Variants in ANKRD11 observed in about 807,000 individuals in gnomAD.
The protein encoded by ANKRD11 is ankyrin repeat domain 11.
In ANKRD11, 17 loss-of-function variants were observed where a neutral mutation model predicts 195.7. The observed-to-expected ratio is 0.09, with a 90% CI of 0.06 to 0.13. ANKRD11 has a LOEUF of 0.13. Ranked by LOEUF, ANKRD11 falls within the 10% of genes least tolerant of loss-of-function variation. The pLI is 1.00. For missense variants in ANKRD11, 3,735 were observed against 3,566.1 expected (o/e 1.05, Z -1.21); for synonymous variants, 1,953 against 1,528.1 (o/e 1.28, Z -6.49).
At chr16:89,423,386 C>G (rs758631205) in intron 1 of ANKRD11, among the ~76,000 whole-genome samples, 34 of 152,256 alleles carry the variant, frequency 2.2e-4, no homozygotes, top group Non-Finnish European at 4.6e-4. Flanking sequence ...GTCTCAGGGC[C>G]AGGTCTGTCT....
chr16:89,353,351 AGAG>A (rs2039312298), intron 2 of ANKRD11, among the ~76,000 whole-genome samples: 1 of 138,458 alleles, frequency 7.2e-6, no homozygotes. Flanking sequence ...CCAAAAAAAA[AGAG>A]AGAGAGAGAG....
chr16:89,442,601 C>T (rs1441119791), intron 1 of ANKRD11, among the ~76,000 whole-genome samples: 5 of 152,292 alleles, frequency 3.3e-5, no homozygotes, highest in African/African-American at 4.8e-5. Context: ...AACGGTTTTA[C>T]GCATCAAAGA....
At chr16:89,328,305 T>C (rs1057096292) in intron 2 of ANKRD11, among the ~76,000 whole-genome samples, 6 of 152,216 alleles carry the variant, frequency 3.9e-5, no homozygotes, top group Admixed American at 6.5e-5. Context: ...CGAACCTAAG[T>C]GTGCGCTTGC....
chr16:89,431,086 T>C (rs1315349392), intron 1 of ANKRD11, among the ~76,000 whole-genome samples: 1 of 152,128 alleles, frequency 6.6e-6, no homozygotes, highest in African/African-American at 2.4e-5. Context: ...CTTCCTCCTG[T>C]TTGCATTCAG....
chr16:89,431,780 A>G (rs2042988886), intron 1 of ANKRD11, among the ~76,000 whole-genome samples: 1 of 152,128 alleles, frequency 6.6e-6, no homozygotes, highest in African/African-American at 2.4e-5. Context: ...ATGTCCAACT[A>G]GAGACACTGT....
At chr16:89,488,864 A>G (rs531432481) in intron 1 of ANKRD11, among the ~76,000 whole-genome samples, 5 of 152,312 alleles carry the variant, frequency 3.3e-5, no homozygotes, top group African/African-American at 1.2e-4. Flanking sequence ...TTTCTCTACC[A>G]TAAAACCCTG....
At chr16:89,465,769 G>A (rs926822926) in intron 1 of ANKRD11, among the ~76,000 whole-genome samples, 1 of 152,132 alleles carries the variant, frequency 6.6e-6, no homozygotes, top group Admixed American at 6.5e-5. Context: ...GGAGTGCAGT[G>A]ACACGATCTC....
chr16:89,435,796 TCACA>T (rs58503159), intron 1 of ANKRD11, among the ~76,000 whole-genome samples: 2,997 of 143,086 alleles, frequency 0.021, 78 homozygotes, highest in African/African-American at 0.06. Flanking sequence ...CACCAGCTCT[TCACA>T]CACACACACA....
chr16:89,477,407 G>A (rs565816428), intron 1 of ANKRD11, among the ~76,000 whole-genome samples: 2 of 152,056 alleles, frequency 1.3e-5, no homozygotes, highest in South Asian at 2.1e-4. Flanking sequence ...CCAGGCTGGA[G>A]TGCAGTGGTG....
chr16:89,291,757 C>A lies in ANKRD11; in HGVS notation c.227-574G>T. 1 of 1,289,868 alleles carries A rather than the reference C, an allele frequency of 7.8e-7. No homozygotes were observed. The highest frequency in any genetic ancestry group is 1.0e-6 in the Non-Finnish European group (1 of 988,882). The allele number at this position is 1,289,868 out of a possible 1,614,324, so 79.9% of individuals were successfully genotyped here. ...GCGTACCAGCCTTGCAGCACCACAA[C>A]AGGGACTGGGCTGGAGGCATCTGAA... On this transcript the variant is annotated intron_variant, in intron 4 of 12. Coordinates refer to ENST00000301030, the MANE Select transcript of ANKRD11 (RefSeq NM_013275.6). This position sits in a 1 kb window ranked among gnomAD's most constrained non-coding sequence, Gnocchi z 5.3.
chr16:89,458,325 G>T (rs140987914), intron 1 of ANKRD11, among the ~76,000 whole-genome samples: 34 of 151,884 alleles, frequency 2.2e-4, no homozygotes, highest in African/African-American at 8.2e-4. Context: ...CCCGGGTTCA[G>T]GCCATTCTCC....
chr16:89,313,989 G>A (rs767912979), intron 3 of ANKRD11, among the ~76,000 whole-genome samples: 4 of 152,192 alleles, frequency 2.6e-5, no homozygotes, highest in South Asian at 2.1e-4. Context: ...CCTGTGATGC[G>A]GAAGCTGAAG....
At chr16:89,467,403 C>A (rs1359593903) in intron 1 of ANKRD11, among the ~76,000 whole-genome samples, 1 of 152,250 alleles carries the variant, frequency 6.6e-6, no homozygotes, top group East Asian at 1.9e-4. Context: ...GATGGCAACA[C>A]TGCACTCCAG....
At chr16:89,278,962 G>C in intron 9 of ANKRD11, 110 bp downstream of exon 9, 1 of 1,506,592 alleles carries the variant, frequency 6.6e-7, no homozygotes, top group Non-Finnish European at 9.0e-7. Context: ...AAGGTCGAGA[G>C]AGGTCAAGGG....
rs534050846 is a variant in ANKRD11 at position 89,482,423 on chromosome 16, G to A, written c.-145+7822C>T. On this transcript the variant is annotated intron_variant, in intron 1 of 12. Transcript: ENST00000301030. ...AAATGGTTGCAGACGAGATTAAGGA[G>A]ACATGACAACTAAATGCAATGTGGG... Among the ~76,000 whole-genome samples, 67 of 152,318 alleles carry A rather than the reference G, an allele frequency of 4.4e-4. 1 individual carries two copies. In the South Asian group the frequency reaches 0.013, roughly 31 times the overall value.
intron 1 of ANKRD11, among the ~76,000 whole-genome samples, chr16:89,489,715 C>T (rs1244904907): frequency 6.6e-6 from 1 of 150,920 alleles, no homozygotes; most frequent in East Asian, 2.0e-4. Flanking sequence ...AGCCTCAGGT[C>T]CCCAAGACCT....
intron 2 of ANKRD11, among the ~76,000 whole-genome samples, chr16:89,328,165 A>G (rs1267269038): frequency 1.3e-5 from 2 of 152,160 alleles, no homozygotes; most frequent in African/African-American, 2.4e-5. Context: ...ATTACTGCAC[A>G]CCAATCGGAA....
intron 1 of ANKRD11, among the ~76,000 whole-genome samples, chr16:89,460,189 G>C (rs1031562531): frequency 1.3e-5 from 2 of 151,890 alleles, no homozygotes; most frequent in African/African-American, 4.8e-5. Flanking sequence ...AGTGAGCTGA[G>C]ATTGCGCCAC....
chr16:89,476,844 A>G (rs2152362575), intron 1 of ANKRD11, among the ~76,000 whole-genome samples: 2 of 111,796 alleles, frequency 1.8e-5, no homozygotes, highest in South Asian at 5.7e-4. Context: ...GGTGTGGAAA[A>G]GACACAGTCC....
Sources: gnomAD v4.1 joint callset for allele counts (sites outside exome capture counted in the v4.1 genomes callset) on GRCh38, gnomAD v4.1.1 for gene constraint, Gnocchi (gnomAD v3.1) non-coding constraint, MANE v1.5 for transcripts, NCBI Gene and HGNC (gene_info 2026-07-23, HGNC 2026-07-21) for gene names.